The following ADGRL3 variants were observed in gnomAD, a reference collection of about 807,000 sequenced individuals.
ADGRL3 encodes the protein calcium-independent alpha-latrotoxin receptor 3.
Under a neutral mutation model 153.5 loss-of-function variants are expected in ADGRL3, and 62 were observed. The observed-to-expected ratio is 0.40, with a 90% confidence interval of 0.33 to 0.50. The LOEUF (loss-of-function observed/expected upper bound fraction) is 0.50, where lower values mean the gene tolerates loss of function less well. Among genes scored for constraint, ADGRL3 ranks in the 20% least tolerant of loss-of-function variants. The pLI, the probability that ADGRL3 is intolerant of heterozygous loss-of-function variation, is 0.47. For synonymous variants in ADGRL3, 710 were observed against 672.5 expected, an observed-to-expected ratio of 1.06 and a Z score of -0.86; for missense variants, 1,641 against 1,859.4, an observed-to-expected ratio of 0.88 and a Z score of 2.16.
chr4:61,472,300 A>T (rs1006230901), intron 2 of ADGRL3, among the ~76,000 whole-genome samples: 1 of 152,126 alleles, frequency 6.6e-6, no homozygotes, highest in African/African-American at 2.4e-5. Flanking sequence ...ATATGATCTT[A>T]TATTTTCTAT....
At position 61,273,361 on chromosome 4, in the gene ADGRL3, C is replaced by T. The variant is rs139732484; in HGVS notation, c.-240+71596C>T. On this transcript the variant is annotated intron_variant, in intron 1 of 26. Transcript: ENST00000683033. ...AGAGGCAAGTCACTGCTTAGATGGC[C>T]GGTCCTGGATATGAAGAAATTTGGT... Among the ~76,000 whole-genome samples the T allele has an allele frequency of 9.9e-4, 151 of 152,186 alleles. 3 individuals are homozygous for T. In the East Asian group the frequency reaches 0.024, roughly 24 times the overall value.
At chr4:61,913,287 T>C (rs953180185) in intron 13 of ADGRL3, among the ~76,000 whole-genome samples, 2 of 152,194 alleles carry the variant, frequency 1.3e-5, no homozygotes, top group Admixed American at 6.6e-5. Context: ...TCGGCTGACA[T>C]GTTCTAATTT....
intron 1 of ADGRL3, among the ~76,000 whole-genome samples, chr4:61,211,501 G>T (rs1560358261): frequency 6.6e-6 from 1 of 152,212 alleles, no homozygotes; most frequent in East Asian, 1.9e-4. Context: ...TTAAGAGAGG[G>T]ATGTTGTTCA....
At chr4:61,313,005 A>G (rs879544486) in intron 1 of ADGRL3, among the ~76,000 whole-genome samples, 3 of 152,256 alleles carry the variant, frequency 2.0e-5, no homozygotes, top group Non-Finnish European at 4.4e-5. Flanking sequence ...ATAAGCAGAC[A>G]GTGGTATATC....
intron 1 of ADGRL3, among the ~76,000 whole-genome samples, chr4:61,330,379 AG>A (rs1238203098): frequency 6.6e-6 from 1 of 152,112 alleles, no homozygotes; most frequent in Non-Finnish European, 1.5e-5. Context: ...AGGTAGAGGA[AG>A]GGTAAATTCT....
intron 4 of ADGRL3, among the ~76,000 whole-genome samples, chr4:61,567,492 C>T (rs1023178093): frequency 4.6e-5 from 7 of 152,124 alleles, no homozygotes; most frequent in East Asian, 3.9e-4. Context: ...CCCTTTACCA[C>T]GTGAGGTCAC....
At chr4:61,779,684 A>G (rs573955062) in intron 8 of ADGRL3, among the ~76,000 whole-genome samples, 1 of 150,516 alleles carries the variant, frequency 6.6e-6, no homozygotes, top group Non-Finnish European at 1.5e-5. Context: ...TGTGTATTCC[A>G]TAGCTACTAC....
Position 61,328,667 on chromosome 4 carries a change from C to G in ADGRL3, c.-239-54457C>G, listed in dbSNP as rs2095511404. On this transcript the variant is annotated intron_variant, in intron 1 of 26. Coordinates refer to ENST00000683033, the MANE Select transcript of ADGRL3 (RefSeq NM_001387552.1). Reference sequence around the variant, plus strand: ...GCTATGTCAAATGGGGACAAAGAAGCTTCAGATAAAACTATATTTGCATAT... The same window carrying G: ...GCTATGTCAAATGGGGACAAAGAAGGTTCAGATAAAACTATATTTGCATAT... Among the ~76,000 whole-genome samples, 3 of 152,080 alleles carry G rather than the reference C, an allele frequency of 2.0e-5. No homozygotes were observed. The East Asian group carries it at 5.8e-4, about 29-fold the overall frequency.
rs553591310 is a variant in ADGRL3, at chr4:61,909,837, T to A, written c.2073+92T>A. ...TGTAATAAAATCAGAAAGACTTCACTGCTTAATTTTCCTCCTTCTACAGAA... is the reference window on the plus strand; with the variant it reads ...TGTAATAAAATCAGAAAGACTTCACAGCTTAATTTTCCTCCTTCTACAGAA... On this transcript the variant is annotated intron_variant, in intron 12 of 26. Coordinates refer to ENST00000683033, the MANE Select transcript of ADGRL3 (RefSeq NM_001387552.1). 1.5e-4 allele frequency: 147 copies of A among 971,802 alleles called. No homozygotes were observed. The African/African-American group carries it at 2.1e-3, about 14-fold the overall frequency. 60.2% of individuals were successfully genotyped at this position (971,802 alleles called of 1,614,324 possible).
chr4:61,403,206 A>C (rs1261226888), intron 2 of ADGRL3, among the ~76,000 whole-genome samples: 1 of 152,078 alleles, frequency 6.6e-6, no homozygotes, highest in Non-Finnish European at 1.5e-5. Context: ...TAAAACCCTT[A>C]GAATCTCTGA....
chr4:61,504,506 A>G (rs960315190), intron 3 of ADGRL3, among the ~76,000 whole-genome samples: 1 of 152,186 alleles, frequency 6.6e-6, no homozygotes, highest in Non-Finnish European at 1.5e-5. Context: ...TGTTAGGAAT[A>G]TTACAATTCT....
At chr4:61,220,693 T>C (rs1391689364) in intron 1 of ADGRL3, among the ~76,000 whole-genome samples, 1 of 152,220 alleles carries the variant, frequency 6.6e-6, no homozygotes, top group Non-Finnish European at 1.5e-5. Context: ...TTTATATCTG[T>C]TGCTTTCAAT....
intron 6 of ADGRL3, among the ~76,000 whole-genome samples, chr4:61,694,443 A>T (rs560789244): frequency 6.6e-6 from 1 of 152,128 alleles, no homozygotes; most frequent in Non-Finnish European, 1.5e-5. Context: ...TGCATGTAAA[A>T]GTTATGTTTA....
chr4:61,586,517 C>A (rs1481351624), intron 4 of ADGRL3, among the ~76,000 whole-genome samples: 1 of 151,794 alleles, frequency 6.6e-6, no homozygotes, highest in Non-Finnish European at 1.5e-5. Flanking sequence ...TGTGATACTA[C>A]CTGAGTAAAA....
chr4:61,402,325 T>C (rs538236845), intron 2 of ADGRL3, among the ~76,000 whole-genome samples: 1 of 152,108 alleles, frequency 6.6e-6, no homozygotes, highest in Non-Finnish European at 1.5e-5. Flanking sequence ...ATTCAAAAAA[T>C]TTTTTTAAAA....
chr4:61,817,281 C>G (rs1484142150), intron 9 of ADGRL3, among the ~76,000 whole-genome samples: 3 of 152,058 alleles, frequency 2.0e-5, no homozygotes, highest in African/African-American at 7.2e-5. Flanking sequence ...GCAGGGATGG[C>G]CTGAAGCCTG....
chr4:61,221,015 A>T (rs1745228368), intron 1 of ADGRL3, among the ~76,000 whole-genome samples: 1 of 152,176 alleles, frequency 6.6e-6, no homozygotes, highest in South Asian at 2.1e-4. Context: ...TGAATCAATT[A>T]TTTTTAGAAC....
chr4:61,618,391 T>C (rs554527754), intron 5 of ADGRL3, among the ~76,000 whole-genome samples: 1 of 152,366 alleles, frequency 6.6e-6, no homozygotes, highest in East Asian at 1.9e-4. Flanking sequence ...TAGCTGTTTC[T>C]ATGTAACAAA....
chr4:61,644,772 G>A (rs573339136), intron 5 of ADGRL3, among the ~76,000 whole-genome samples: 2 of 152,288 alleles, frequency 1.3e-5, no homozygotes, highest in African/African-American at 4.8e-5. Flanking sequence ...TTGATTTGGG[G>A]TGGAGAGTTC....
Sources: allele counts gnomAD v4.1 joint callset (sites outside exome capture counted in the v4.1 genomes callset), GRCh38; gene constraint gnomAD v4.1.1; transcripts MANE v1.5; gene names NCBI Gene and HGNC (gene_info 2026-07-23, HGNC 2026-07-21).